Variants in CHFR observed in about 807,000 individuals in gnomAD.
CHFR encodes the protein checkpoint with forkhead and ring finger domains.
CHFR carries 57 observed loss-of-function variants against 87.6 expected under a neutral mutation model. The ratio of observed to expected loss-of-function variants is 0.65; its 90% CI spans 0.53 to 0.81. The LOEUF (loss-of-function observed/expected upper bound fraction) is 0.81, where lower values mean the gene tolerates loss of function less well. Ranked by LOEUF, CHFR falls within the 30% of genes least tolerant of loss-of-function variation. CHFR has a pLI of 0.00. For missense variants in CHFR, 797 were observed against 865.8 expected (o/e 0.92, Z 1.00); for synonymous variants, 381 against 359.2 (o/e 1.06, Z -0.69).
intron 6 of CHFR, among the ~76,000 whole-genome samples, chr12:132,865,106 C>A (rs1421825876): frequency 2.0e-5 from 3 of 152,216 alleles, no homozygotes; most frequent in East Asian, 1.9e-4. Flanking sequence ...AACCCCGCGT[C>A]CTGTCTGTGC....
chr12:132,838,207 C>G lies in CHFR; in HGVS notation c.*3347G>C, dbSNP rs1010470578. On this transcript the variant is annotated 3_prime_UTR_variant, in exon 18 of 18. Coordinates refer to ENST00000450056, the MANE Select transcript of CHFR (RefSeq NM_001161346.2). Reference sequence around the variant, plus strand: ...TGGGAGCAGCCCCTGGACCCCGGCTCTCACACCTGGGCCCGACCACTCCCA... The same window carrying G: ...TGGGAGCAGCCCCTGGACCCCGGCTGTCACACCTGGGCCCGACCACTCCCA... The G allele has an allele frequency of 1.3e-5, 2 of 152,550 alleles. No homozygotes were observed. The highest frequency in any genetic ancestry group is 2.9e-5 in the Non-Finnish European group (2 of 68,308). 9.4% of individuals were successfully genotyped at this position (152,550 alleles called of 1,614,324 possible).
intron 12 of CHFR, chr12:132,849,567 A>G (rs1245456814): frequency 6.6e-6 from 1 of 150,934 alleles, no homozygotes; most frequent in African/African-American, 2.4e-5. Context: ...AACATGCAAC[A>G]TGCTTGCCCC....
intron 15 of CHFR, among the ~76,000 whole-genome samples, chr12:132,846,286 G>A (rs1183732336): frequency 5.4e-5 from 7 of 130,374 alleles, no homozygotes; most frequent in African/African-American, 8.2e-5. Flanking sequence ...TTTTTGAGAC[G>A]GAGTCTCGCT....
At chr12:132,882,380 T>C (rs1370183347) in intron 2 of CHFR, among the ~76,000 whole-genome samples, 2 of 152,146 alleles carry the variant, frequency 1.3e-5, no homozygotes, top group Non-Finnish European at 2.9e-5. Flanking sequence ...CAGGGGGACC[T>C]TTCAGGGTGA....
rs1053847425 is a variant in CHFR, at chr12:132,859,347, T to C, written c.752-120A>G. The C allele has an allele frequency of 1.3e-4, 124 of 973,682 alleles. No individual in the cohort carries two copies. In the Middle Eastern group the frequency reaches 2.3e-3, roughly 18 times the overall value. The allele number at this position is 973,682 out of a possible 1,614,324, so 60.3% of individuals were successfully genotyped here. A position where few individuals can be genotyped will look rare whatever the true frequency, so the allele number is the denominator to read the frequency against. On this transcript the variant is annotated intron_variant, in intron 7 of 17. Transcript: ENST00000450056. ...CTAACTGTCGTAACCGAGAAGGAAA[T>C]ACATGCAGTCTTTTTTTTTTCGAGA...
At chr12:132,855,393 G>A (rs10781661) in intron 10 of CHFR, among the ~76,000 whole-genome samples, 20,128 of 151,794 alleles carry the variant, frequency 0.13, 2,637 homozygotes, top group East Asian at 0.46. Flanking sequence ...TTGGCAGGGC[G>A]CAGTGGCTCA....
chr12:132,848,675 C>T lies in CHFR; in HGVS notation c.1542G>A (p.Arg514=), dbSNP rs1454840670. The change falls in exon 13 of 18, where the codon CGG becomes CGA. Residue 514 remains arginine, a synonymous_variant. Coordinates refer to ENST00000450056, the MANE Select transcript of CHFR (RefSeq NM_001161346.2). ...GGGCCAGGCAGCCGTAGCAGCCGGT[C>T]CGGGTGCAGCCCCAGTACAGGTGGC... is the stretch of plus-strand genomic sequence containing the variant. ...PFCHLYWGCT[R]TGCYGCLAPF... 2 of 1,596,660 alleles carry T rather than the reference C, an allele frequency of 1.3e-6. No individual in the cohort carries two copies. The highest frequency in any genetic ancestry group is 1.7e-5 in the Admixed American group (1 of 57,650).
At chr12:132,851,480 G>A (rs1441422664) in intron 12 of CHFR, 138 bp downstream of exon 12, 13 of 1,019,548 alleles carry the variant, frequency 1.3e-5, no homozygotes, top group Non-Finnish European at 1.7e-5. Flanking sequence ...GGTGACGTGG[G>A]GAAAACTGAT....
At chr12:132,876,514 TACTC>T (rs1488936209) in intron 3 of CHFR, among the ~76,000 whole-genome samples, 1 of 152,240 alleles carries the variant, frequency 6.6e-6, no homozygotes, top group Non-Finnish European at 1.5e-5. Flanking sequence ...TCATTTCAGA[TACTC>T]AATCTGTACT....
intron 6 of CHFR, among the ~76,000 whole-genome samples, chr12:132,868,471 C>T (rs1394092222): frequency 6.6e-6 from 1 of 152,082 alleles, no homozygotes; most frequent in African/African-American, 2.4e-5. Context: ...CACCGCACTC[C>T]AGCCTGGGTG....
At chr12:132,885,519 C>G (rs1327877848) in intron 2 of CHFR, among the ~76,000 whole-genome samples, 1 of 151,978 alleles carries the variant, frequency 6.6e-6, no homozygotes, top group Non-Finnish European at 1.5e-5. Flanking sequence ...CAAACTAATA[C>G]AATAATCTTA....
At chr12:132,846,574 C>T (rs2136927543) in intron 15 of CHFR, among the ~76,000 whole-genome samples, 1 of 151,850 alleles carries the variant, frequency 6.6e-6, no homozygotes, top group South Asian at 2.1e-4. Context: ...CCGGCCCACG[C>T]TCAACTTTCA....
chr12:132,843,069 G>A lies in CHFR; in HGVS notation c.1858C>T (p.Arg620Cys). Residue 620 changes from arginine (R) to cysteine (C), a missense_variant, in exon 17 of 18, where the codon CGT becomes TGT. Transcript: ENST00000450056. ...ASELPVAVTS[R>C]PDCYWGRNCR... ...TTACGGCCCCAGTAGCAGTCAGGAC[G>A]GGATGTTACGGCCACTGGAAAAAGA... 3 of 1,613,264 alleles carry A rather than the reference G, an allele frequency of 1.9e-6. No homozygotes were observed. Among genetic ancestry groups the A allele is most frequent in the African/African-American group, 1.3e-5 (1 of 75,028 alleles).
chr12:132,848,017 G>C, intron 14 of CHFR, 68 bp downstream of exon 14: 1 of 1,611,416 alleles, frequency 6.2e-7, no homozygotes, highest in Non-Finnish European at 8.5e-7. Flanking sequence ...ATAGAATGCA[G>C]AGAACCAGCT....
intron 6 of CHFR, among the ~76,000 whole-genome samples, chr12:132,869,392 G>A (rs867935498): frequency 6.6e-6 from 1 of 152,108 alleles, no homozygotes; most frequent in South Asian, 2.1e-4. Flanking sequence ...GCGAATTATA[G>A]TCTCAATGAA....
chr12:132,847,185 T>C (rs1165364368), intron 14 of CHFR, 55 bp from the exon 15 acceptor site: 1 of 1,605,678 alleles, frequency 6.2e-7, no homozygotes, highest in African/African-American at 1.3e-5. Context: ...GAAGAAACAC[T>C]GAAATAACGA....
At position 132,879,061 on chromosome 12, in the gene CHFR, G is replaced by A. The variant is rs1237004218; in HGVS notation, c.134-1407C>T. Among the ~76,000 whole-genome samples the A allele has an allele frequency of 3.5e-5, 5 of 142,854 alleles. No homozygotes were observed. The East Asian group carries it at 1.0e-3, about 30-fold the overall frequency. The allele number at this position is 142,854 out of a possible 152,430, so 93.7% of individuals were successfully genotyped here. A position where few individuals can be genotyped will look rare whatever the true frequency, so the allele number is the denominator to read the frequency against. ...GCACTGTCGCCCAGGCTGGAGTGCA[G>A]TGGCACCATCTCGGCTCACCACAAC... On this transcript the variant is annotated intron_variant, in intron 2 of 17. Coordinates refer to ENST00000450056, the MANE Select transcript of CHFR (RefSeq NM_001161346.2).
At chr12:132,843,597 G>C (rs1406138744) in intron 16 of CHFR, among the ~76,000 whole-genome samples, 1 of 152,138 alleles carries the variant, frequency 6.6e-6, no homozygotes, top group Non-Finnish European at 1.5e-5. Flanking sequence ...TGTATGGCCT[G>C]ACGTCCTGCC....
intron 8 of CHFR, among the ~76,000 whole-genome samples, chr12:132,858,022 C>G (rs1004275038): frequency 3.3e-5 from 5 of 152,234 alleles, no homozygotes; most frequent in Admixed American, 2.6e-4. Context: ...CAGCCTCCGG[C>G]TCTGGGTTCC....
Sources: gnomAD v4.1 joint callset for allele counts (sites outside exome capture counted in the v4.1 genomes callset) on GRCh38, gnomAD v4.1.1 for gene constraint, MANE v1.5 for transcripts, NCBI Gene and HGNC (gene_info 2026-07-23, HGNC 2026-07-21) for gene names.